SWAP70: variants seen among roughly 807,000 people sequenced by gnomAD.
The protein encoded by SWAP70 is switching B cell complex subunit SWAP70.
A neutral mutation model predicts 80.2 loss-of-function variants in SWAP70; 34 were observed. The observed-to-expected ratio is 0.42, with a 90% CI of 0.32 to 0.56. The LOEUF (loss-of-function observed/expected upper bound fraction) is 0.56, where lower values mean the gene tolerates loss of function less well. Among genes scored for constraint, SWAP70 ranks in the 20% least tolerant of loss-of-function variants. SWAP70 has a pLI of 0.09. For missense variants in SWAP70, 578 were observed against 690.7 expected (o/e 0.84, Z 1.83); for synonymous variants, 239 against 238.5 (o/e 1.00, Z -0.02).
rs912571045 is a variant in SWAP70, at chr11:9,725,943, G to GA, written c.642+1066dup. ...AGATCTCCATGGCATAACGTTGAGT[G>GA]AAAAAAAACCACATTGCTGAACAGG... On this transcript the variant is annotated intron_variant, in intron 4 of 11. Transcript: ENST00000318950. Among the ~76,000 whole-genome samples the GA allele has an allele frequency of 1.3e-4, 20 of 151,240 alleles. No homozygotes were observed. In the Middle Eastern group the frequency reaches 0.01, roughly 77 times the overall value.
At chr11:9,728,783 A>G (rs1305577393) in intron 5 of SWAP70, among the ~76,000 whole-genome samples, 1 of 152,182 alleles carries the variant, frequency 6.6e-6, no homozygotes, top group Non-Finnish European at 1.5e-5. Context: ...ATAAACTATA[A>G]TGTATTTTAG....
intron 1 of SWAP70, among the ~76,000 whole-genome samples, chr11:9,675,314 AGGGAGC>A (rs1850474469): frequency 1.5e-5 from 1 of 67,374 alleles, no homozygotes; most frequent in Admixed American, 1.7e-4. Context: ...AGAAACAGAG[AGGGAGC>A]GAGAGAGAGA....
chr11:9,711,417 C>G (rs1850996986), intron 2 of SWAP70, among the ~76,000 whole-genome samples: 1 of 152,000 alleles, frequency 6.6e-6, no homozygotes, highest in Non-Finnish European at 1.5e-5. Context: ...GTCTGTCTGT[C>G]TGTCTGTCTA....
At chr11:9,693,394 A>G (rs1850718510) in intron 1 of SWAP70, among the ~76,000 whole-genome samples, 1 of 152,228 alleles carries the variant, frequency 6.6e-6, no homozygotes, top group South Asian at 2.1e-4. Context: ...CAAGACCAGT[A>G]GCCCTTTATA....
chr11:9,718,358 T>G (rs1284705994), intron 3 of SWAP70, among the ~76,000 whole-genome samples: 1 of 152,198 alleles, frequency 6.6e-6, no homozygotes, highest in Non-Finnish European at 1.5e-5. Flanking sequence ...TGGAGTAGAT[T>G]TATGTGAGAT....
At chr11:9,711,737 C>G (rs542258325) in intron 2 of SWAP70, among the ~76,000 whole-genome samples, 2 of 152,168 alleles carry the variant, frequency 1.3e-5, no homozygotes, top group Non-Finnish European at 2.9e-5. Flanking sequence ...GCTGCCTGCT[C>G]TACCTTGATA....
chr11:9,749,478 C>T (rs999971970), intron 11 of SWAP70, among the ~76,000 whole-genome samples: 5 of 152,178 alleles, frequency 3.3e-5, no homozygotes, highest in Admixed American at 6.5e-5. Flanking sequence ...GATCTCCTGA[C>T]CTCGTGATCC....
chr11:9,732,344 G>GA (rs1357573975), intron 6 of SWAP70, among the ~76,000 whole-genome samples, 185 bp from the exon 7 acceptor site: 4 of 151,626 alleles, frequency 2.6e-5, no homozygotes, highest in Admixed American at 1.3e-4. Flanking sequence ...GGGGAGCTCT[G>GA]AAAAAAAACC....
chr11:9,692,093 A>G (rs1850703837), intron 1 of SWAP70, among the ~76,000 whole-genome samples: 2 of 152,156 alleles, frequency 1.3e-5, no homozygotes, highest in South Asian at 4.1e-4. Context: ...TAGTCATGGT[A>G]CATTGCTGTG....
intron 9 of SWAP70, among the ~76,000 whole-genome samples, chr11:9,745,809 G>A (rs1016855438): frequency 1.3e-5 from 2 of 152,208 alleles, no homozygotes; most frequent in Admixed American, 1.3e-4. Context: ...TTAGTCAGGA[G>A]TCTTACTTGC....
chr11:9,710,684 A>AT (rs753577767), intron 2 of SWAP70, among the ~76,000 whole-genome samples: 67 of 145,616 alleles, frequency 4.6e-4, no homozygotes, highest in Admixed American at 5.5e-4. Flanking sequence ...TTCAAAAAAA[A>AT]TTTTTTTTTT....
Position 9,750,037 on chromosome 11 carries a change from C to A in SWAP70, c.*67C>A, listed in dbSNP as rs1167391321. 8.6e-7 allele frequency: 1 copy of A among 1,164,830 alleles called. No homozygotes were observed. Among genetic ancestry groups the A allele is most frequent in the Non-Finnish European group, 1.3e-6 (1 of 787,132 alleles). The allele number at this position is 1,164,830 out of a possible 1,614,324, so 72.2% of individuals were successfully genotyped here. A position where few individuals can be genotyped will look rare whatever the true frequency, so the allele number is the denominator to read the frequency against. On this transcript the variant is annotated 3_prime_UTR_variant, in exon 12 of 12. Coordinates refer to ENST00000318950, the MANE Select transcript of SWAP70 (RefSeq NM_015055.4). ...TGGCAGGAGAGCTTTACGCTAAAGA[C>A]AAAAGAAACAGCTTTGGGGGCCGGG... is the stretch of plus-strand genomic sequence containing the variant.
At chr11:9,689,825 C>T (rs1850674007) in intron 1 of SWAP70, among the ~76,000 whole-genome samples, 1 of 152,186 alleles carries the variant, frequency 6.6e-6, no homozygotes, top group Admixed American at 6.5e-5. Context: ...CTGGCACTAA[C>T]TTGGCTCTGC....
chr11:9,701,086 G>A (rs1364621646), intron 2 of SWAP70, among the ~76,000 whole-genome samples: 1 of 151,866 alleles, frequency 6.6e-6, no homozygotes, highest in Non-Finnish European at 1.5e-5. Flanking sequence ...ATTTTACATT[G>A]ATAGAATTAA....
At chr11:9,694,737 A>G (rs1321148590) in intron 2 of SWAP70, among the ~76,000 whole-genome samples, 1 of 152,208 alleles carries the variant, frequency 6.6e-6, no homozygotes, top group African/African-American at 2.4e-5. Flanking sequence ...TCAGAGAAAT[A>G]CAAATCAAAA....
At chr11:9,668,978 T>G (rs1251286121) in intron 1 of SWAP70, among the ~76,000 whole-genome samples, 1 of 152,150 alleles carries the variant, frequency 6.6e-6, no homozygotes, top group Non-Finnish European at 1.5e-5. Context: ...AGGCACACTC[T>G]CTCTCTCCAG....
intron 2 of SWAP70, 129 bp from the exon 3 acceptor site, chr11:9,713,337 G>A (rs1382483281): frequency 2.2e-6 from 2 of 913,224 alleles, no homozygotes; most frequent in Admixed American, 2.9e-5. Context: ...AAATATGTAG[G>A]ATATGGCTGT....
chr11:9,693,755 C>A (rs1339463142), intron 1 of SWAP70, among the ~76,000 whole-genome samples: 1 of 152,166 alleles, frequency 6.6e-6, no homozygotes, highest in Non-Finnish European at 1.5e-5. Flanking sequence ...TTTCTCTGAA[C>A]AGCTCTAATT....
At chr11:9,683,430 A>G (rs1019607808) in intron 1 of SWAP70, among the ~76,000 whole-genome samples, 1 of 151,232 alleles carries the variant, frequency 6.6e-6, no homozygotes, top group Non-Finnish European at 1.5e-5. Flanking sequence ...AAAAAGAAGA[A>G]AAAGAAAAGA....
Sources: allele counts gnomAD v4.1 joint callset (sites outside exome capture counted in the v4.1 genomes callset), GRCh38; gene constraint gnomAD v4.1.1; transcripts MANE v1.5; gene names NCBI Gene and HGNC (gene_info 2026-07-23, HGNC 2026-07-21).